SMYD3: variants seen among roughly 807,000 people sequenced by gnomAD.
SMYD3 encodes the protein histone-lysine N-methyltransferase SMYD3.
A neutral mutation model predicts 57.7 loss-of-function variants in SMYD3; 36 were observed. The ratio of observed to expected loss-of-function variants is 0.62; its 90% confidence interval spans 0.48 to 0.82. The LOEUF (loss-of-function observed/expected upper bound fraction) is 0.82. Ranked by LOEUF, SMYD3 falls within the 40% of genes least tolerant of loss-of-function variation. SMYD3 has a pLI of 0.00. For missense variants in SMYD3, 515 were observed against 538.8 expected (o/e 0.96, Z 0.44); for synonymous variants, 211 against 195.0 (o/e 1.08, Z -0.68).
intron 5 of SMYD3, among the ~76,000 whole-genome samples, chr1:246,205,338 C>CT (rs2062982746): frequency 6.6e-6 from 1 of 152,214 alleles, no homozygotes; most frequent in Non-Finnish European, 1.5e-5. Context: ...ACCCTCTTTT[C>CT]TTTCACTATA....
chr1:246,122,966 G>T (rs1456336510), intron 5 of SMYD3, among the ~76,000 whole-genome samples: 1 of 152,118 alleles, frequency 6.6e-6, no homozygotes, highest in East Asian at 1.9e-4. Context: ...CATACTTTGA[G>T]TTTTTTGATT....
chr1:246,404,958 T>A (rs1237845993), intron 1 of SMYD3, among the ~76,000 whole-genome samples: 1 of 152,094 alleles, frequency 6.6e-6, no homozygotes, highest in Non-Finnish European at 1.5e-5. Flanking sequence ...AGGTACAGCA[T>A]GATTCTTTTT....
intron 10 of SMYD3, among the ~76,000 whole-genome samples, chr1:245,849,503 TAGGAG>T (rs1455892315): frequency 6.6e-6 from 1 of 152,118 alleles, no homozygotes; most frequent in Admixed American, 6.5e-5. Context: ...CACTGCCACT[TAGGAG>T]AGTTCTCTAG....
At chr1:246,350,308 A>G (rs568421507) in intron 2 of SMYD3, among the ~76,000 whole-genome samples, 2 of 152,308 alleles carry the variant, frequency 1.3e-5, no homozygotes, top group South Asian at 2.1e-4. Context: ...CTCACTGCCT[A>G]TTACTTATCA....
intron 10 of SMYD3, among the ~76,000 whole-genome samples, chr1:245,842,133 C>A (rs1053038150): frequency 6.6e-6 from 1 of 152,146 alleles, no homozygotes; most frequent in Non-Finnish European, 1.5e-5. Context: ...CATTTCATGA[C>A]GATTGCGTGA....
chr1:246,443,058 G>A (rs939267032), intron 1 of SMYD3, among the ~76,000 whole-genome samples: 1 of 152,100 alleles, frequency 6.6e-6, no homozygotes, highest in Admixed American at 6.5e-5. Flanking sequence ...TTCCTATTTT[G>A]GATTTTGTAT....
chr1:245,771,595 G>A lies in SMYD3; in HGVS notation c.1077-7446C>T, dbSNP rs114745862. Among the ~76,000 whole-genome samples, 867 of 152,260 alleles carry A rather than the reference G, an allele frequency of 5.7e-3. 6 individuals are homozygous for A. Among genetic ancestry groups the A allele is most frequent in the African/African-American group, 0.019 (775 of 41,544 alleles). ...TTGATAGCTAGAATAATAGCAGAGGGAGCAACAGCCCACAGTGAACATTAA... is the reference window on the plus strand; with the variant it reads ...TTGATAGCTAGAATAATAGCAGAGGAAGCAACAGCCCACAGTGAACATTAA... On this transcript the variant is annotated intron_variant, in intron 10 of 11. Transcript: ENST00000490107.
intron 5 of SMYD3, among the ~76,000 whole-genome samples, chr1:246,110,772 G>A (rs1416149927): frequency 6.6e-6 from 1 of 152,188 alleles, no homozygotes; most frequent in Non-Finnish European, 1.5e-5. Flanking sequence ...GCGCGCCTGC[G>A]CTACAGACTT....
intron 1 of SMYD3, among the ~76,000 whole-genome samples, chr1:246,435,558 A>T (rs1558463669): frequency 6.6e-6 from 1 of 151,940 alleles, no homozygotes; most frequent in Non-Finnish European, 1.5e-5. Context: ...GAGTAACTGT[A>T]ATACTAGATA....
intron 5 of SMYD3, among the ~76,000 whole-genome samples, chr1:246,153,626 TTTTTG>T (rs1289970851): frequency 6.6e-6 from 1 of 151,970 alleles, no homozygotes. Context: ...GCTAATTACT[TTTTTG>T]TTTTGTTTTG....
intron 1 of SMYD3, among the ~76,000 whole-genome samples, chr1:246,422,739 A>G (rs965788776): frequency 9.9e-5 from 15 of 152,280 alleles, no homozygotes; most frequent in Non-Finnish European, 1.9e-4. Flanking sequence ...TTTTCAAACA[A>G]TGAACTCATA....
At chr1:246,389,545 G>A (rs866704316) in intron 1 of SMYD3, among the ~76,000 whole-genome samples, 711 of 46,916 alleles carry the variant, frequency 0.015, 40 homozygotes, top group Non-Finnish European at 0.021. Context: ...AAATCACCTC[G>A]AGGTTGAAGT....
At chr1:245,944,025 C>T (rs1427104373) in intron 5 of SMYD3, among the ~76,000 whole-genome samples, 1 of 152,064 alleles carries the variant, frequency 6.6e-6, no homozygotes, top group Non-Finnish European at 1.5e-5. Context: ...ACCCACCCAG[C>T]CAATGTCATA....
At chr1:246,243,134 A>T (rs910034507) in intron 5 of SMYD3, among the ~76,000 whole-genome samples, 11 of 152,136 alleles carry the variant, frequency 7.2e-5, no homozygotes, top group Non-Finnish European at 1.3e-4. Context: ...CTGCACCCCA[A>T]ATCAACAGAA....
chr1:246,137,070 A>G (rs1326632910), intron 5 of SMYD3, among the ~76,000 whole-genome samples: 1 of 152,224 alleles, frequency 6.6e-6, no homozygotes, highest in Non-Finnish European at 1.5e-5. Context: ...TTTTCTGATC[A>G]TGCATATACT....
chr1:245,947,698 A>G (rs1240357754), intron 5 of SMYD3, among the ~76,000 whole-genome samples: 1 of 152,220 alleles, frequency 6.6e-6, no homozygotes, highest in African/African-American at 2.4e-5. Context: ...AGTAAATGGT[A>G]GCAAGATCAT....
chr1:246,350,122 T>A (rs891230452), intron 2 of SMYD3, among the ~76,000 whole-genome samples: 12 of 152,224 alleles, frequency 7.9e-5, no homozygotes, highest in Non-Finnish European at 1.8e-4. Flanking sequence ...AAGAGCTACA[T>A]TAATTCTAGA....
chr1:245,766,919 C>T (rs1157956850), intron 10 of SMYD3, among the ~76,000 whole-genome samples: 2 of 152,176 alleles, frequency 1.3e-5, no homozygotes, highest in East Asian at 1.9e-4. Flanking sequence ...TCCAGGGGCA[C>T]TTCCAAATAA....
intron 10 of SMYD3, among the ~76,000 whole-genome samples, chr1:245,772,213 G>A (rs910806734): frequency 6.6e-6 from 1 of 152,188 alleles, no homozygotes; most frequent in Non-Finnish European, 1.5e-5. Flanking sequence ...AAGAAAATTC[G>A]TGGTGTCACA....
Sources: gnomAD v4.1 joint callset for allele counts (sites outside exome capture counted in the v4.1 genomes callset) on GRCh38, gnomAD v4.1.1 for gene constraint, MANE v1.5 for transcripts, NCBI Gene and HGNC (gene_info 2026-07-23, HGNC 2026-07-21) for gene names.